Variants in TAS1R2 observed in about 807,000 individuals in gnomAD.
TAS1R2 encodes the protein taste receptor type 1 member 2.
TAS1R2 carries 47 observed loss-of-function variants against 49.3 expected under a neutral mutation model. That is an observed-to-expected ratio of 0.95 (90% CI 0.75 to 1.22). The LOEUF (loss-of-function observed/expected upper bound fraction) is 1.22, where lower values mean the gene tolerates loss of function less well. Among genes scored for constraint, TAS1R2 ranks in the 50% most tolerant of loss-of-function variants. TAS1R2 has a pLI of 0.00. For synonymous variants in TAS1R2, 479 were observed against 467.9 expected (o/e 1.02, Z -0.31); for missense variants, 1,155 against 1,122.1 (o/e 1.03, Z -0.42).
intron 2 of TAS1R2, among the ~76,000 whole-genome samples, chr1:18,855,605 G>T (rs572787386): frequency 2.6e-5 from 4 of 152,212 alleles, no homozygotes; most frequent in African/African-American, 9.6e-5. Context: ...CAGCCTCATG[G>T]CTTAATATCC....
At chr1:18,853,119 C>T (rs994613900) in intron 3 of TAS1R2, among the ~76,000 whole-genome samples, 6 of 152,218 alleles carry the variant, frequency 3.9e-5, no homozygotes, top group African/African-American at 1.4e-4. Flanking sequence ...GGTTCAAAAG[C>T]ATGGTCCACC....
chr1:18,857,762 G>A, intron 1 of TAS1R2, 131 bp from the exon 2 acceptor site: 1 of 1,027,034 alleles, frequency 9.7e-7, no homozygotes, highest in Non-Finnish European at 1.4e-6. Flanking sequence ...CACTCCAGAA[G>A]ACTCGGGCAT....
intron 4 of TAS1R2, among the ~76,000 whole-genome samples, chr1:18,848,782 T>C (rs4920556): frequency 0.6 from 91,431 of 152,098 alleles, 27,753 homozygotes; most frequent in Non-Finnish European, 0.62. Flanking sequence ...GATGATCTGT[T>C]ACTGTCTCCC....
chr1:18,843,640 G>A (rs139406626), intron 4 of TAS1R2, among the ~76,000 whole-genome samples: 7 of 152,208 alleles, frequency 4.6e-5, no homozygotes, highest in Admixed American at 6.5e-5. Context: ...CCACATGATC[G>A]AGGAGATCTG....
At chr1:18,845,160 C>T (rs997430513) in intron 4 of TAS1R2, among the ~76,000 whole-genome samples, 3 of 152,184 alleles carry the variant, frequency 2.0e-5, no homozygotes, top group Non-Finnish European at 4.4e-5. Flanking sequence ...GACACTGTAT[C>T]ACCTCAGATC....
chr1:18,852,821 C>T (rs898296807), intron 3 of TAS1R2, among the ~76,000 whole-genome samples: 1 of 152,244 alleles, frequency 6.6e-6, no homozygotes, highest in Non-Finnish European at 1.5e-5. Flanking sequence ...CATGATGATG[C>T]CCCTGCTCTG....
chr1:18,859,340 A>G, intron 1 of TAS1R2, 139 bp downstream of exon 1: 2 of 1,083,622 alleles, frequency 1.8e-6, no homozygotes, highest in Non-Finnish European at 2.7e-6. Flanking sequence ...GCATGGATCC[A>G]GAATAAGGGG....
exon 6 of TAS1R2, chr1:18,839,939 C>G (rs888841029): frequency 1.2e-6 from 2 of 1,614,184 alleles, no homozygotes; most frequent in Non-Finnish European, 1.7e-6. Context: ...GAACAGCAGG[C>G]TGTTGCGGTA....
At chr1:18,844,817 G>C (rs1363240101) in intron 4 of TAS1R2, among the ~76,000 whole-genome samples, 1 of 152,130 alleles carries the variant, frequency 6.6e-6, no homozygotes, top group Non-Finnish European at 1.5e-5. Context: ...GCTGGCTTTT[G>C]TCCTCAGCCA....
In TAS1R2 at chr1:18,854,091, A is replaced by G; in HGVS notation, c.1257+122T>C. 1 of 950,426 alleles carries G rather than the reference A, an allele frequency of 1.1e-6. No homozygotes were observed. Among genetic ancestry groups the G allele is most frequent in the South Asian group, 1.8e-5 (1 of 55,316 alleles). The allele number at this position is 950,426 out of a possible 1,614,324, so 58.9% of individuals were successfully genotyped here. ...AAAGCAATTTTGTTTTGGCACCAGGAAGGACTAGTGCTATGTGTCTGGAAG... is the reference window on the plus strand; with the variant it reads ...AAAGCAATTTTGTTTTGGCACCAGGGAGGACTAGTGCTATGTGTCTGGAAG... On this transcript the variant is annotated intron_variant, in intron 3 of 5. Transcript: ENST00000375371. This position sits in a 1 kb window ranked among gnomAD's most constrained non-coding sequence, Gnocchi z 4.9.
chr1:18,841,916 T>C, intron 4 of TAS1R2, 64 bp from the exon 5 acceptor site: 2 of 1,438,330 alleles, frequency 1.4e-6, no homozygotes, highest in Admixed American at 2.0e-5. Context: ...CCCCCTCCCC[T>C]CTCCAACCAG....
chr1:18,843,714 C>T (rs1048462073), intron 4 of TAS1R2, among the ~76,000 whole-genome samples: 1 of 152,188 alleles, frequency 6.6e-6, no homozygotes, highest in Non-Finnish European at 1.5e-5. Context: ...TGCAACAATG[C>T]CATGCCTTCT....
rs28561656 is a variant in TAS1R2 at position 18,852,131 on chromosome 1, G to T, written c.1257+2082C>A. On this transcript the variant is annotated intron_variant, in intron 3 of 5. Transcript: ENST00000375371. ...CAGGGTCCCTGCTCTCACTGGCCTC[G>T]GTTTGGGAGGTGTGGGGAATAGCCA... is the stretch of plus-strand genomic sequence containing the variant. Among the ~76,000 whole-genome samples, 938 of 152,292 alleles carry T rather than the reference G, an allele frequency of 6.2e-3. 10 individuals are homozygous for T. Among genetic ancestry groups the T allele is most frequent in the South Asian group, 0.038 (185 of 4,826 alleles).
chr1:18,840,363 T>C (rs746412617), exon 6 of TAS1R2: 1 of 1,614,032 alleles, frequency 6.2e-7, no homozygotes, highest in Non-Finnish European at 8.5e-7. Flanking sequence ...CTCCAGAATA[T>C]CACCAGGATG....
In TAS1R2 at chr1:18,839,947, G is replaced by C. The variant is rs1371558787; in HGVS notation, c.2172C>G (p.Tyr724Ter). ...TGGTGTTGAACAGCAGGCTGTTGCG[G>C]TAGTTGGGGTTACAGGAGACAATTG... Residue 724 changes from tyrosine (Y) to a stop codon, truncating the protein, a stop_gained, in exon 6 of 6, where the codon TAC becomes TAG. Coordinates refer to ENST00000375371, the Ensembl canonical transcript of TAS1R2. LOFTEE classifies it low-confidence loss of function (END_TRUNC). 4 of 1,614,126 alleles carry C rather than the reference G, an allele frequency of 2.5e-6. No individual in the cohort carries two copies. Among genetic ancestry groups the C allele is most frequent in the Non-Finnish European group, 3.4e-6 (4 of 1,180,052 alleles).
chr1:18,859,629 AG>A lies in TAS1R2; in HGVS notation c.31del (p.Leu11CysfsTer35), dbSNP rs1292148149. On this transcript the variant is annotated frameshift_variant, in exon 1 of 6. Transcript: ENST00000375371. LOFTEE classifies it high-confidence loss of function. Reference sequence around the variant, plus strand: ...AGCCAGGACCCATAGGAGGAAGAACAGGGAGGAGATGGTCTTTGCCCTGGGC... The same window carrying A: ...AGCCAGGACCCATAGGAGGAAGAACAGGAGGAGATGGTCTTTGCCCTGGGC... 1 of 1,614,254 alleles carries A rather than the reference AG, an allele frequency of 6.2e-7. No homozygotes were observed. Among genetic ancestry groups the A allele is most frequent in the East Asian group, 2.2e-5 (1 of 44,890 alleles).
intron 2 of TAS1R2, among the ~76,000 whole-genome samples, chr1:18,856,830 T>C (rs1451915876): frequency 6.6e-6 from 1 of 152,264 alleles, no homozygotes. Flanking sequence ...ATAATAATAG[T>C]AGTAATACAA....
At position 18,839,655 on chromosome 1, in the gene TAS1R2, TGC is replaced by T; in HGVS notation, c.2462_2463del (p.Arg821GlnfsTer?). On this transcript the variant is annotated frameshift_variant, in exon 6 of 6. Transcript: ENST00000375371. LOFTEE classifies it high-confidence loss of function. ...ATGCTGTTGAAGTAGGCGGGCGTGT[TGC>T]GCTCCGGGTAGAAGAGGATCATGTA... 1 of 1,614,138 alleles carries T rather than the reference TGC, an allele frequency of 6.2e-7. No individual in the cohort carries two copies. Among genetic ancestry groups the T allele is most frequent in the Non-Finnish European group, 8.5e-7 (1 of 1,180,024 alleles).
exon 4 of TAS1R2, chr1:18,849,384 A>G (rs1933979396): frequency 6.2e-7 from 1 of 1,614,066 alleles, no homozygotes. Flanking sequence ...GATGTTCTTC[A>G]GCTGTCGCTG....
Sources: gnomAD v4.1 joint callset for allele counts (sites outside exome capture counted in the v4.1 genomes callset) on GRCh38, gnomAD v4.1.1 for gene constraint, Gnocchi (gnomAD v3.1) non-coding constraint, MANE v1.5 for transcripts, NCBI Gene and HGNC (gene_info 2026-07-23, HGNC 2026-07-21) for gene names.